The following WDFY4 variants were observed in gnomAD, a reference collection of about 807,000 sequenced individuals.
WDFY4 encodes WDFY family member 4, also known as WD repeat- and FYVE domain-containing protein 4.
WDFY4 carries 169 observed loss-of-function variants against 351.9 expected under a neutral mutation model. The observed-to-expected ratio is 0.48, with a 90% confidence interval of 0.42 to 0.55. The LOEUF is 0.55. Ranked by LOEUF, WDFY4 falls within the 20% of genes least tolerant of loss-of-function variation. The pLI is 0.00. For synonymous variants in WDFY4, 1,622 were observed against 1,574.6 expected, an observed-to-expected ratio of 1.03 and a Z score of -0.71; for missense variants, 3,803 against 3,935.6, an observed-to-expected ratio of 0.97 and a Z score of 0.90.
At chr10:48,799,023 G>C (rs911525349) in intron 24 of WDFY4, among the ~76,000 whole-genome samples, 1 of 152,132 alleles carries the variant, frequency 6.6e-6, no homozygotes, top group African/African-American at 2.4e-5. Context: ...GACTGCAACC[G>C]CTGCTGCCCC....
At chr10:48,807,470 A>G (rs1319571549) in intron 27 of WDFY4, among the ~76,000 whole-genome samples, 1 of 152,240 alleles carries the variant, frequency 6.6e-6, no homozygotes, top group Non-Finnish European at 1.5e-5. Flanking sequence ...AGGAACAAAG[A>G]GAACAAAGAC....
chr10:48,712,621 G>A (rs1005629911), intron 2 of WDFY4, among the ~76,000 whole-genome samples: 2 of 152,230 alleles, frequency 1.3e-5, no homozygotes, highest in Admixed American at 6.5e-5. Flanking sequence ...ATAGTTGGTG[G>A]TGGAAAGAAA....
intron 47 of WDFY4, among the ~76,000 whole-genome samples, chr10:48,915,908 G>A (rs779637757): frequency 6.6e-6 from 1 of 152,190 alleles, no homozygotes; most frequent in South Asian, 2.1e-4. Flanking sequence ...GGTTTCCAGA[G>A]CCAGCACCAT....
At chr10:48,759,476 CT>C (rs1321043145) in intron 12 of WDFY4, among the ~76,000 whole-genome samples, 1 of 152,206 alleles carries the variant, frequency 6.6e-6, no homozygotes, top group East Asian at 1.9e-4. Context: ...TACCTACACT[CT>C]TGGGACTACA....
chr10:48,959,762 C>A lies in WDFY4; in HGVS notation c.8172C>A (p.Leu2724=), dbSNP rs1841773935. The A allele has an allele frequency of 6.4e-7, 1 of 1,551,522 alleles. No individual in the cohort carries two copies. Among genetic ancestry groups the A allele is most frequent in the Non-Finnish European group, 8.7e-7 (1 of 1,146,972 alleles). ...QDGTVLGDVQ[L]PPWADGDPRK... is the part of the protein sequence containing the mutation. Reference sequence around the variant, plus strand: ...GGACTGTGCTAGGAGACGTGCAGCTCCCTCCCTGGGCTGATGGGGACCCTC... The same window carrying A: ...GGACTGTGCTAGGAGACGTGCAGCTACCTCCCTGGGCTGATGGGGACCCTC... Residue 2724 remains leucine, a synonymous_variant, in exon 53 of 62, where the codon CTC becomes CTA. Coordinates refer to ENST00000325239, the MANE Select transcript of WDFY4 (RefSeq NM_001394531.1).
At chr10:48,700,777 G>A (rs151055361) in intron 1 of WDFY4, among the ~76,000 whole-genome samples, 244 of 152,332 alleles carry the variant, frequency 1.6e-3, no homozygotes, top group Admixed American at 3.5e-3. Flanking sequence ...GGCCTAGTGC[G>A]GAGCTAGCAC....
intron 40 of WDFY4, among the ~76,000 whole-genome samples, chr10:48,872,205 G>T (rs1006700315): frequency 6.6e-6 from 1 of 152,218 alleles, no homozygotes; most frequent in Non-Finnish European, 1.5e-5. Context: ...AAATGGCCAA[G>T]ATTTGCAAGG....
chr10:48,720,385 G>A (rs1280379284), intron 3 of WDFY4, among the ~76,000 whole-genome samples: 2 of 151,926 alleles, frequency 1.3e-5, no homozygotes, highest in Non-Finnish European at 2.9e-5. Flanking sequence ...CATTATACAC[G>A]GACACACATA....
intron 13 of WDFY4, among the ~76,000 whole-genome samples, chr10:48,765,982 T>G (rs1311696029): frequency 1.3e-5 from 2 of 152,234 alleles, no homozygotes; most frequent in Non-Finnish European, 1.5e-5. Context: ...TTTCTGGAAT[T>G]AGTCTGTATT....
intron 38 of WDFY4, among the ~76,000 whole-genome samples, chr10:48,832,093 G>A (rs2068210054): frequency 6.6e-6 from 1 of 152,134 alleles, no homozygotes; most frequent in South Asian, 2.1e-4. Flanking sequence ...AAGTAAAATA[G>A]GATATACATA....
chr10:48,932,295 G>A (rs1840061643), intron 47 of WDFY4, among the ~76,000 whole-genome samples: 1 of 152,184 alleles, frequency 6.6e-6, no homozygotes, highest in African/African-American at 2.4e-5. Context: ...CAAACCAGCT[G>A]CTCTGGGCCA....
chr10:48,884,358 CAT>C (rs773156392), intron 43 of WDFY4: 5 of 152,202 alleles, frequency 3.3e-5, no homozygotes, highest in African/African-American at 7.2e-5. Context: ...GAAAACAACA[CAT>C]GTCATTCCTA....
At chr10:48,803,959 G>A (rs778124293) in intron 25 of WDFY4, among the ~76,000 whole-genome samples, 4 of 152,172 alleles carry the variant, frequency 2.6e-5, no homozygotes, top group African/African-American at 7.2e-5. Flanking sequence ...TGGCTCCTGG[G>A]CAGCTCCTCA....
At chr10:48,828,927 C>G (rs3789321) in intron 37 of WDFY4, 31 bp downstream of exon 37, 7,296 of 63,290 alleles carry the variant, frequency 0.12, 230 homozygotes, top group Middle Eastern at 0.17. Flanking sequence ...TGTGTGTGGG[C>G]GGGGGGGGGG....
intron 32 of WDFY4, among the ~76,000 whole-genome samples, chr10:48,818,701 AG>A (rs1433674556): frequency 6.6e-6 from 1 of 152,280 alleles, no homozygotes; most frequent in Non-Finnish European, 1.5e-5. Flanking sequence ...CTTTAAAAGT[AG>A]TTTTAATAAA....
At chr10:48,734,434 G>T (rs2064575377) in intron 10 of WDFY4, among the ~76,000 whole-genome samples, 1 of 151,786 alleles carries the variant, frequency 6.6e-6, no homozygotes, top group South Asian at 2.1e-4. Flanking sequence ...GCTCTCATCA[G>T]ACATGATGCA....
chr10:48,867,417 G>A, intron 40 of WDFY4, 75 bp downstream of exon 40: 1 of 1,004,310 alleles, frequency 1.0e-6, no homozygotes, highest in South Asian at 2.1e-5. Flanking sequence ...AATTGGAAGG[G>A]CCTTTGGTTT....
rs570710023 is a variant in WDFY4, at chr10:48,977,117, G to A, written c.9291+138G>A. The A allele has an allele frequency of 9.1e-5, 71 of 778,278 alleles. No individual in the cohort carries two copies. In the East Asian group the frequency reaches 2.2e-3, roughly 25 times the overall value. The allele number at this position is 778,278 out of a possible 1,614,324, so 48.2% of individuals were successfully genotyped here. On this transcript the variant is annotated intron_variant, in intron 59 of 61. Transcript: ENST00000325239. ...AACGGGTACCTACAGCAAAGGAAGG[G>A]AAAAGACAAGGCTCTTTGCAGGGAA...
intron 47 of WDFY4, among the ~76,000 whole-genome samples, chr10:48,941,388 T>G (rs1485515952): frequency 6.6e-6 from 1 of 152,244 alleles, no homozygotes; most frequent in Non-Finnish European, 1.5e-5. Context: ...TGGGAGACCC[T>G]TAGGCCATAT....
Sources: allele counts gnomAD v4.1 joint callset (sites outside exome capture counted in the v4.1 genomes callset), GRCh38; gene constraint gnomAD v4.1.1; transcripts MANE v1.5; gene names NCBI Gene and HGNC (gene_info 2026-07-23, HGNC 2026-07-21).